Variants in SLC16A9 observed in about 807,000 individuals in gnomAD.
SLC16A9 encodes monocarboxylate transporter 9.
In SLC16A9, 26 loss-of-function variants were observed where a neutral mutation model predicts 44.3. The observed-to-expected ratio is 0.59, with a 90% CI of 0.43 to 0.81. The LOEUF (loss-of-function observed/expected upper bound fraction) is 0.81. Among genes scored for constraint, SLC16A9 ranks in the 40% least tolerant of loss-of-function variants. The pLI, the probability that SLC16A9 is intolerant of heterozygous loss-of-function variation, is 0.00. For missense variants in SLC16A9, 559 were observed against 595.8 expected, an observed-to-expected ratio of 0.94 and a Z score of 0.64; for synonymous variants, 230 against 225.1, an observed-to-expected ratio of 1.02 and a Z score of -0.19.
chr10:59,687,776 C>T (rs1840164523), intron 1 of SLC16A9, among the ~76,000 whole-genome samples: 1 of 152,002 alleles, frequency 6.6e-6, no homozygotes, highest in African/African-American at 2.4e-5. Flanking sequence ...GCCTGGGCAA[C>T]ATAGTGAAAC....
chr10:59,707,331 A>G (rs1425173140), intron 1 of SLC16A9, among the ~76,000 whole-genome samples: 29 of 71,234 alleles, frequency 4.1e-4, no homozygotes, highest in Admixed American at 8.1e-4. Context: ...AGGGAAGGGA[A>G]GGGAGGGGAA....
At position 59,653,425 on chromosome 10, in the gene SLC16A9, C is replaced by CAAAA. The variant is rs562805430; in HGVS notation, c.1351+246_1351+249dup. On this transcript the variant is annotated intron_variant, in intron 5 of 5. Transcript: ENST00000395348. Reference sequence around the variant, plus strand: ...TGGGCGACAGTGCAAAACTCCGTCTCAAAAAAAAAAAAAAAAAAAAGCAGG... The same window carrying CAAAA: ...TGGGCGACAGTGCAAAACTCCGTCTCAAAAAAAAAAAAAAAAAAAAAAAAGCAGG... Among the ~76,000 whole-genome samples, 19 of 36,764 alleles carry CAAAA rather than the reference C, an allele frequency of 5.2e-4. 5 individuals are homozygous for CAAAA. Among genetic ancestry groups the CAAAA allele is most frequent in the East Asian group, 2.8e-3 (3 of 1,070 alleles). The allele number at this position is 36,764 out of a possible 152,430, so 24.1% of individuals were successfully genotyped here. A position where few individuals can be genotyped will look rare whatever the true frequency, so the allele number is the denominator to read the frequency against.
At chr10:59,702,308 C>T (rs1323852675) in intron 1 of SLC16A9, among the ~76,000 whole-genome samples, 1 of 152,180 alleles carries the variant, frequency 6.6e-6, no homozygotes, top group Non-Finnish European at 1.5e-5. Flanking sequence ...ACCAATATAA[C>T]ATCGGATGAC....
intron 2 of SLC16A9, among the ~76,000 whole-genome samples, chr10:59,673,613 C>T (rs943025471): frequency 9.9e-5 from 15 of 152,138 alleles, no homozygotes; most frequent in African/African-American, 3.6e-4. Flanking sequence ...AGTTGACAAC[C>T]TTTCAAGTTG....
intron 4 of SLC16A9, among the ~76,000 whole-genome samples, chr10:59,656,600 C>T (rs991797513): frequency 6.6e-6 from 1 of 152,066 alleles, no homozygotes; most frequent in African/African-American, 2.4e-5. Context: ...TTTTTTCCCC[C>T]AGGGTATTGA....
intron 1 of SLC16A9, among the ~76,000 whole-genome samples, chr10:59,698,561 CCAAG>C (rs1443066467): frequency 6.6e-6 from 1 of 152,110 alleles, no homozygotes; most frequent in African/African-American, 2.4e-5. Context: ...TCCCAAATAG[CCAAG>C]CACAGGTTCA....
intron 4 of SLC16A9, 55 bp downstream of exon 4, chr10:59,664,172 T>C: frequency 7.8e-7 from 1 of 1,282,428 alleles, no homozygotes; most frequent in South Asian, 1.4e-5. Context: ...GGTAACTTTT[T>C]ACTTTGTTTA....
At chr10:59,703,212 C>T (rs1840562740) in intron 1 of SLC16A9, among the ~76,000 whole-genome samples, 2 of 152,068 alleles carry the variant, frequency 1.3e-5, no homozygotes, top group South Asian at 4.2e-4. Flanking sequence ...GCCTTGACCT[C>T]CCAAGCTCAA....
At position 59,652,770 on chromosome 10, in the gene SLC16A9, T is replaced by A. The variant is rs11006654; in HGVS notation, c.*2A>T. On this transcript the variant is annotated 3_prime_UTR_variant, in exon 6 of 6. Transcript: ENST00000395348. Reference sequence around the variant, plus strand: ...GCAAAAATAGTGTCTTCCAATATTCTTCTAAACATTAGAGGCAACTTTGTA... The same window carrying A: ...GCAAAAATAGTGTCTTCCAATATTCATCTAAACATTAGAGGCAACTTTGTA... 1 of 1,604,654 alleles carries A rather than the reference T, an allele frequency of 6.2e-7. No individual in the cohort carries two copies. Among genetic ancestry groups the A allele is most frequent in the East Asian group, 2.2e-5 (1 of 44,704 alleles).
chr10:59,677,451 C>T (rs1839885247), intron 2 of SLC16A9, among the ~76,000 whole-genome samples: 1 of 152,068 alleles, frequency 6.6e-6, no homozygotes, highest in Admixed American at 6.6e-5. Context: ...ATTTCAGGTG[C>T]CCAGTAGCCA....
intron 2 of SLC16A9, among the ~76,000 whole-genome samples, chr10:59,682,885 T>G (rs1840053943): frequency 6.6e-6 from 1 of 152,170 alleles, no homozygotes; most frequent in Admixed American, 6.5e-5. Flanking sequence ...ATATTATTTT[T>G]TTTTGTTTAC....
At chr10:59,685,171 T>C (rs1426923364) in intron 1 of SLC16A9, among the ~76,000 whole-genome samples, 1 of 152,220 alleles carries the variant, frequency 6.6e-6, no homozygotes. Flanking sequence ...CCTTCCTTTG[T>C]CCACATAACA....
chr10:59,664,313 C>T lies in SLC16A9; in HGVS notation c.350G>A (p.Cys117Tyr). 6.2e-7 allele frequency: 1 copy of T among 1,608,236 alleles called. No individual in the cohort carries two copies. The highest frequency in any genetic ancestry group is 2.2e-5 in the East Asian group (1 of 44,680). The change falls in exon 4 of 6, where the codon TGT becomes TAT. Residue 117 changes from cysteine (C) to tyrosine (Y), a missense_variant. Transcript: ENST00000395348. ...CACTGTTGCAGTGTATAATAAACCACATCCAAGACCTAAGCATGAGAAGAC... is the reference window on the plus strand; with the variant it reads ...CACTGTTGCAGTGTATAATAAACCATATCCAAGACCTAAGCATGAGAAGAC... ...FSYGIVVGLG[C>Y]GLLYTATVTI...
At chr10:59,702,026 G>T (rs1840534762) in intron 1 of SLC16A9, among the ~76,000 whole-genome samples, 1 of 152,306 alleles carries the variant, frequency 6.6e-6, no homozygotes, top group Admixed American at 6.5e-5. Flanking sequence ...CTAGCACTAA[G>T]AATTATGATT....
intron 2 of SLC16A9, among the ~76,000 whole-genome samples, chr10:59,680,895 A>C (rs1332510775): frequency 6.6e-6 from 1 of 152,030 alleles, no homozygotes; most frequent in African/African-American, 2.4e-5. Flanking sequence ...AGTTGGGAGG[A>C]TCACTTGAAC....
Position 59,654,451 on chromosome 10 carries a change from T to C in SLC16A9, c.575A>G (p.Gln192Arg). ...TTTAGGCAAAGGACAATCAGAAGAT[T>C]GGAGGGGTCTCATCAGACTGCCACA... ...LACGSLMRPL[Q>R]SSDCPLPKKI... is the part of the protein sequence containing the mutation. Residue 192 changes from glutamine to arginine, a missense_variant, in exon 5 of 6, where the codon CAA (glutamine) becomes CGA (arginine). Physicochemically the swap from Gln to Arg is conservative, Grantham distance 43. Transcript: ENST00000395348. The C allele has an allele frequency of 6.2e-7, 1 of 1,613,456 alleles. No homozygotes were observed.
chr10:59,664,597 A>T (rs1212663834), intron 3 of SLC16A9, among the ~76,000 whole-genome samples: 2 of 152,198 alleles, frequency 1.3e-5, no homozygotes, highest in African/African-American at 4.8e-5. Flanking sequence ...AAATTAAGAG[A>T]TTATGGAGAA....
intron 1 of SLC16A9, among the ~76,000 whole-genome samples, chr10:59,688,177 C>A (rs1323833110): frequency 6.6e-6 from 1 of 152,122 alleles, no homozygotes; most frequent in Non-Finnish European, 1.5e-5. Flanking sequence ...CCAAACCATG[C>A]ACTTGGCTGT....
At chr10:59,669,202 T>G (rs1289015801) in intron 3 of SLC16A9, among the ~76,000 whole-genome samples, 2 of 152,218 alleles carry the variant, frequency 1.3e-5, no homozygotes, top group African/African-American at 4.8e-5. Context: ...GAGAAATTAT[T>G]AGAAAGAGGC....
Sources: allele counts gnomAD v4.1 joint callset (sites outside exome capture counted in the v4.1 genomes callset), GRCh38; gene constraint gnomAD v4.1.1; transcripts MANE v1.5; gene names NCBI Gene and HGNC (gene_info 2026-07-23, HGNC 2026-07-21).